Variants in RIMS2 observed in about 807,000 individuals in gnomAD.
RIMS2 encodes regulating synaptic membrane exocytosis protein 2.
In RIMS2, 59 loss-of-function variants were observed where a neutral mutation model predicts 174.4. That is an observed-to-expected ratio of 0.34 (90% CI 0.27 to 0.42). The LOEUF is 0.42. Ranked by LOEUF, RIMS2 falls within the 10% of genes least tolerant of loss-of-function variation. The pLI, the probability that RIMS2 is intolerant of heterozygous loss-of-function variation, is 1.00. For synonymous variants in RIMS2, 606 were observed against 572.5 expected, an observed-to-expected ratio of 1.06 and a Z score of -0.84; for missense variants, 1,620 against 1,666.3, an observed-to-expected ratio of 0.97 and a Z score of 0.48.
chr8:103,874,978 C>G (rs544035138), intron 3 of RIMS2, among the ~76,000 whole-genome samples: 21 of 151,986 alleles, frequency 1.4e-4, no homozygotes, highest in Admixed American at 7.9e-4. Flanking sequence ...TTGTTTGTTT[C>G]TTTTGGTTTT....
rs531089420 is a variant in RIMS2 at position 104,037,292 on chromosome 8, T to G, written c.3334+22677T>G. On this transcript the variant is annotated intron_variant, in intron 19 of 23. Transcript: ENST00000504942. ...CATTCTAAGACTCTGTGACCTTTAA[T>G]GAGCCCTCACACTATGATTAGCTTC... Among the ~76,000 whole-genome samples the G allele has an allele frequency of 2.6e-5, 4 of 152,326 alleles. No homozygotes were observed. In the South Asian group the frequency reaches 8.3e-4, roughly 32 times the overall value.
At chr8:103,647,808 C>A (rs2096370355) in intron 1 of RIMS2, among the ~76,000 whole-genome samples, 2 of 147,054 alleles carry the variant, frequency 1.4e-5, no homozygotes, top group Non-Finnish European at 3.0e-5. Flanking sequence ...ATTCTTCTTT[C>A]TTTTCTTTTT....
At chr8:103,897,746 C>G (rs1365931583) in intron 4 of RIMS2, among the ~76,000 whole-genome samples, 1 of 151,662 alleles carries the variant, frequency 6.6e-6, no homozygotes, top group Non-Finnish European at 1.5e-5. Context: ...GGCCTTGTTC[C>G]AGAACAAGTG....
chr8:103,752,370 G>C (rs952959760), intron 2 of RIMS2, among the ~76,000 whole-genome samples: 2 of 152,180 alleles, frequency 1.3e-5, no homozygotes, highest in African/African-American at 4.8e-5. Flanking sequence ...AGTATAGTTA[G>C]AAGTCAGGTA....
intron 19 of RIMS2, chr8:104,093,570 A>G: frequency 1.3e-6 from 2 of 1,597,588 alleles, no homozygotes; most frequent in Middle Eastern, 1.7e-4. Context: ...AAGGACTAGT[A>G]GTGCTTCTCG....
At chr8:103,933,920 T>C (rs1247377267) in intron 12 of RIMS2, among the ~76,000 whole-genome samples, 2 of 152,178 alleles carry the variant, frequency 1.3e-5, no homozygotes, top group Non-Finnish European at 2.9e-5. Flanking sequence ...TGCCTTTTTA[T>C]TGATGAGTCT....
chr8:104,075,382 C>G (rs1420289704), intron 19 of RIMS2, among the ~76,000 whole-genome samples: 1 of 152,164 alleles, frequency 6.6e-6, no homozygotes, highest in Non-Finnish European at 1.5e-5. Context: ...TCTACTGTTT[C>G]ATGAACAGAA....
At chr8:104,188,224 TA>T (rs1441805898) in intron 19 of RIMS2, among the ~76,000 whole-genome samples, 1 of 112,298 alleles carries the variant, frequency 8.9e-6, no homozygotes, top group Non-Finnish European at 2.0e-5. Context: ...TTTGTTCAGA[TA>T]GATAGATAGA....
intron 4 of RIMS2, among the ~76,000 whole-genome samples, chr8:103,899,423 C>T (rs1361742708): frequency 3.3e-5 from 5 of 151,704 alleles, no homozygotes; most frequent in Admixed American, 6.6e-5. Context: ...TTCTAACTGG[C>T]ATGAGATGGT....
At chr8:104,028,156 A>T (rs2096297869) in intron 19 of RIMS2, among the ~76,000 whole-genome samples, 6 of 151,786 alleles carry the variant, frequency 4.0e-5, no homozygotes, top group African/African-American at 7.3e-5. Context: ...AAGAAAGAGA[A>T]CCTATGTTGT....
chr8:103,690,740 C>T lies in RIMS2; in HGVS notation c.177-6346C>T, dbSNP rs192392250. On this transcript the variant is annotated intron_variant, in intron 1 of 23. Transcript: ENST00000504942. The stretch of plus-strand genomic sequence containing the variant: ...CTATTCAAGATATCAGTAGTTTATA[C>T]ACCACAATCACAGTGTTATAATATT... Among the ~76,000 whole-genome samples the T allele has an allele frequency of 1.3e-4, 20 of 152,298 alleles. No homozygotes were observed. In the East Asian group the frequency reaches 3.1e-3, roughly 24 times the overall value.
At chr8:104,253,566 C>A (rs1022569188), downstream of RIMS2, 1 of 152,084 alleles carries the variant, frequency 6.6e-6, no homozygotes, top group African/African-American at 2.4e-5. Context: ...AAAGTCAAAA[C>A]CCCTGCCTTT....
At chr8:104,029,937 C>T (rs563708009) in intron 19 of RIMS2, among the ~76,000 whole-genome samples, 7 of 152,072 alleles carry the variant, frequency 4.6e-5, no homozygotes, top group Non-Finnish European at 7.3e-5. Flanking sequence ...TTTTTCCCAA[C>T]GTGGGGGAAA....
intron 19 of RIMS2, among the ~76,000 whole-genome samples, chr8:104,057,142 C>T (rs2096884077): frequency 6.6e-6 from 1 of 150,616 alleles, no homozygotes; most frequent in African/African-American, 2.4e-5. Context: ...ACATGGCTCA[C>T]TGCAGCTTCA....
At chr8:103,795,645 C>T (rs1342713695) in intron 3 of RIMS2, among the ~76,000 whole-genome samples, 2 of 151,732 alleles carry the variant, frequency 1.3e-5, no homozygotes, top group African/African-American at 2.4e-5. Context: ...ATCGTTTTTC[C>T]CACCAGATGG....
intron 19 of RIMS2, among the ~76,000 whole-genome samples, chr8:104,075,941 C>T (rs2097282193): frequency 6.6e-6 from 1 of 152,196 alleles, no homozygotes; most frequent in African/African-American, 2.4e-5. Flanking sequence ...AGGCCACAGT[C>T]TTCTAAGCTG....
intron 19 of RIMS2, among the ~76,000 whole-genome samples, chr8:104,155,072 T>TG (rs745562590): frequency 7.9e-5 from 12 of 152,090 alleles, no homozygotes; most frequent in African/African-American, 2.9e-4. Context: ...CATGCCTTTC[T>TG]GGGGGTGTTA....
In RIMS2 at chr8:103,630,077, AAT is replaced by A. The variant is rs1485600876; in HGVS notation, c.177-67006_177-67005del. 2.6e-5 allele frequency among the ~76,000 whole-genome samples: 4 copies of A among 152,074 alleles called. No homozygotes were observed. The East Asian group carries it at 7.7e-4, about 29-fold the overall frequency. ...ACAGATTCAAGAAACTGAGTGAACC[AAT>A]ATCAGGCCAAACCAAAAGAAATTCA... On this transcript the variant is annotated intron_variant, in intron 1 of 23. Coordinates refer to ENST00000504942, the Ensembl canonical transcript of RIMS2.
At chr8:104,056,814 G>A (rs546007531) in intron 19 of RIMS2, among the ~76,000 whole-genome samples, 4 of 152,208 alleles carry the variant, frequency 2.6e-5, no homozygotes, top group Admixed American at 6.5e-5. Flanking sequence ...AAGCCTGAGA[G>A]GTAAAAACTC....
Sources: allele counts gnomAD v4.1 joint callset (sites outside exome capture counted in the v4.1 genomes callset), GRCh38; gene constraint gnomAD v4.1.1; transcripts MANE v1.5; gene names NCBI Gene and HGNC (gene_info 2026-07-23, HGNC 2026-07-21).